Variants in PCDHGB3 observed in about 807,000 individuals in gnomAD.
PCDHGB3 encodes the protein protocadherin gamma-B3.
A neutral mutation model predicts 59.2 loss-of-function variants in PCDHGB3; 40 were observed. The ratio of observed to expected loss-of-function variants is 0.68; its 90% CI spans 0.52 to 0.88. The LOEUF is 0.88. PCDHGB3 is among the 40% of genes least tolerant of loss of function. The pLI, the probability that PCDHGB3 is intolerant of heterozygous loss-of-function variation, is 0.00. For missense variants in PCDHGB3, 1,309 were observed against 1,187.9 expected (o/e 1.10, Z -1.50); for synonymous variants, 581 against 503.6 (o/e 1.15, Z -2.06).
chr5:141,379,154 T>A (rs1446393150), intron 1 of PCDHGB3: 4 of 152,232 alleles, frequency 2.6e-5, no homozygotes, highest in Non-Finnish European at 5.9e-5. Context: ...GTAACCTGAC[T>A]TTGTCAGTCT....
In PCDHGB3 at chr5:141,476,883, A is replaced by G. The variant is rs1266909654; in HGVS notation, c.2416-17924A>G. ...TTGTACCGGGCGCGCGTCCTGGAGG[A>G]TGCACCCTCCGGCACGCGCGTGGTA... On this transcript the variant is annotated intron_variant, in intron 1 of 3. Coordinates refer to ENST00000576222, the MANE Select transcript of PCDHGB3 (RefSeq NM_018924.5). This position sits in a 1 kb window ranked among gnomAD's most constrained non-coding sequence, Gnocchi z 7.6. 1 of 1,613,916 alleles carries G rather than the reference A, an allele frequency of 6.2e-7. No individual in the cohort carries two copies. The highest frequency in any genetic ancestry group is 8.5e-7 in the Non-Finnish European group (1 of 1,180,026).
chr5:141,415,406 T>G, intron 1 of PCDHGB3: 1 of 1,614,208 alleles, frequency 6.2e-7, no homozygotes. Flanking sequence ...GGCTCGCACT[T>G]TGTGGGCGTG....
rs1156927948 is a variant in PCDHGB3, at chr5:141,490,342, G to A, written c.2416-4465G>A. 16 of 1,614,126 alleles carry A rather than the reference G, an allele frequency of 9.9e-6. 1 individual carries two copies. In the Admixed American group the frequency reaches 1.3e-4, roughly 13 times the overall value. ...CCTAGAGAGCACACCAGTGGGCACA[G>A]TAGTGGGGTTGTTTAATGTGCGAGA... On this transcript the variant is annotated intron_variant, in intron 1 of 3. Coordinates refer to ENST00000576222, the MANE Select transcript of PCDHGB3 (RefSeq NM_018924.5). This position sits in a 1 kb window ranked among gnomAD's most constrained non-coding sequence, Gnocchi z 5.4.
chr5:141,487,533 T>C lies in PCDHGB3; in HGVS notation c.2416-7274T>C. On this transcript the variant is annotated intron_variant, in intron 1 of 3. Coordinates refer to ENST00000576222, the MANE Select transcript of PCDHGB3 (RefSeq NM_018924.5). This position sits in a 1 kb window ranked among gnomAD's most constrained non-coding sequence, Gnocchi z 5.0. The stretch of plus-strand genomic sequence containing the variant: ...CCCACTCGGAGTGATAGCTTCATGA[T>C]GGTGAAGTCACCCAGTGCACCTATG... 6.2e-7 allele frequency: 1 copy of C among 1,614,186 alleles called. No individual in the cohort carries two copies. Among genetic ancestry groups the C allele is most frequent in the South Asian group, 1.1e-5 (1 of 91,080 alleles).
chr5:141,495,005 C>A, intron 2 of PCDHGB3, 140 bp downstream of exon 2: 1 of 1,522,810 alleles, frequency 6.6e-7, no homozygotes. Context: ...TCTTGGTGTG[C>A]GGGGGGCTGG....
chr5:141,403,984 A>C, intron 1 of PCDHGB3: 1 of 1,613,892 alleles, frequency 6.2e-7, no homozygotes, highest in South Asian at 1.1e-5. Flanking sequence ...ATGACAATAG[A>C]CCTGAAGTGA....
chr5:141,389,432 C>A (rs1007591817), intron 1 of PCDHGB3: 2 of 1,610,650 alleles, frequency 1.2e-6, no homozygotes, highest in Non-Finnish European at 8.5e-7. Flanking sequence ...TCGCGCAGCG[C>A]GCCTTCGACC....
At chr5:141,444,358 A>T (rs2098433774) in intron 1 of PCDHGB3, among the ~76,000 whole-genome samples, 1 of 151,436 alleles carries the variant, frequency 6.6e-6, no homozygotes, top group Non-Finnish European at 1.5e-5. Context: ...TTTAGTAGAG[A>T]CGGGGTTTCT....
At chr5:141,446,450 T>C (rs922188307) in intron 1 of PCDHGB3, among the ~76,000 whole-genome samples, 2 of 152,018 alleles carry the variant, frequency 1.3e-5, no homozygotes, top group Non-Finnish European at 2.9e-5. Context: ...AGTGCAGATA[T>C]TCAGTGTGTG....
chr5:141,502,246 T>A (rs1449536622), intron 2 of PCDHGB3, among the ~76,000 whole-genome samples: 1 of 152,206 alleles, frequency 6.6e-6, no homozygotes, highest in African/African-American at 2.4e-5. Flanking sequence ...TTTATCCTTT[T>A]TTTTAATCCA....
rs1226463441 is a variant in PCDHGB3, at chr5:141,432,906, T to A, written c.2415+60097T>A. 6.2e-7 allele frequency: 1 copy of A among 1,614,176 alleles called. No individual in the cohort carries two copies. The highest frequency in any genetic ancestry group is 8.5e-7 in the Non-Finnish European group (1 of 1,180,002). ...GTCATCTTGCTGCTGGCGCTCAGGC[T>A]GCGGCGCTGGCACAAGTCACGCCTG... On this transcript the variant is annotated intron_variant, in intron 1 of 3. Coordinates refer to ENST00000576222, the MANE Select transcript of PCDHGB3 (RefSeq NM_018924.5). The surrounding 1 kb of genome is among the most constrained non-coding windows in gnomAD (Gnocchi z 6.0).
At chr5:141,498,670 G>A (rs1266576450) in intron 2 of PCDHGB3, among the ~76,000 whole-genome samples, 1 of 152,066 alleles carries the variant, frequency 6.6e-6, no homozygotes, top group Non-Finnish European at 1.5e-5. Flanking sequence ...GGTGGCTCAC[G>A]CCTGTAATCC....
chr5:141,407,473 G>A (rs753514459), intron 1 of PCDHGB3, among the ~76,000 whole-genome samples: 4 of 145,182 alleles, frequency 2.8e-5, no homozygotes, highest in Non-Finnish European at 4.6e-5. Context: ...ATGACTGAAT[G>A]GAGTATGGAA....
At chr5:141,483,816 A>G (rs2099587505) in intron 1 of PCDHGB3, among the ~76,000 whole-genome samples, 1 of 152,172 alleles carries the variant, frequency 6.6e-6, no homozygotes, top group Admixed American at 6.5e-5. Context: ...TTTGGCAGCC[A>G]GTGTAACCTA....
chr5:141,421,617 C>T, intron 1 of PCDHGB3: 3 of 1,613,768 alleles, frequency 1.9e-6, no homozygotes, highest in African/African-American at 1.3e-5. Context: ...TTAATGATAA[C>T]GCCCCCAGCT....
chr5:141,476,366 G>T lies in PCDHGB3; in HGVS notation c.2416-18441G>T, dbSNP rs1025903110. The T allele has an allele frequency of 6.2e-7, 1 of 1,614,026 alleles. No individual in the cohort carries two copies. The highest frequency in any genetic ancestry group is 8.5e-7 in the Non-Finnish European group (1 of 1,180,028). On this transcript the variant is annotated intron_variant, in intron 1 of 3. Coordinates refer to ENST00000576222, the MANE Select transcript of PCDHGB3 (RefSeq NM_018924.5). The surrounding 1 kb of genome is among the most constrained non-coding windows in gnomAD (Gnocchi z 7.6). The stretch of plus-strand genomic sequence containing the variant: ...ATTCTTTGAGGTGAACCGGGAGACC[G>T]GAGAGATGTTTGTGAACGACCGTCT...
In PCDHGB3 at chr5:141,394,778, C is replaced by T. The variant is rs377451053; in HGVS notation, c.2415+21969C>T. ...AGGACCATGGCCAGCCCCCTCTCTC[C>T]GCCACTGTCACGCTCACCGTAGCCG... On this transcript the variant is annotated intron_variant, in intron 1 of 3. Transcript: ENST00000576222. 8 of 1,613,514 alleles carry T rather than the reference C, an allele frequency of 5.0e-6. No individual in the cohort carries two copies. In the South Asian group the frequency reaches 7.7e-5, roughly 15 times the overall value.
intron 1 of PCDHGB3, chr5:141,441,037 A>G (rs1318122240): frequency 6.6e-6 from 1 of 152,194 alleles, no homozygotes; most frequent in Admixed American, 6.5e-5. Context: ...GAAAACTTTA[A>G]GTACATTGGA....
At chr5:141,484,071 T>C (rs1405337642) in intron 1 of PCDHGB3, among the ~76,000 whole-genome samples, 1 of 152,144 alleles carries the variant, frequency 6.6e-6, no homozygotes, top group Non-Finnish European at 1.5e-5. Flanking sequence ...GTGAAAAGCT[T>C]GCTCTTTTGA....
Sources: allele counts gnomAD v4.1 joint callset (sites outside exome capture counted in the v4.1 genomes callset), GRCh38; gene constraint gnomAD v4.1.1; non-coding constraint Gnocchi (gnomAD v3.1); transcripts MANE v1.5; gene names NCBI Gene and HGNC (gene_info 2026-07-23, HGNC 2026-07-21).